The following BICD1 variants were observed in gnomAD, a reference collection of about 807,000 sequenced individuals.
The protein encoded by BICD1 is protein bicaudal D homolog 1.
A neutral mutation model predicts 92.5 loss-of-function variants in BICD1; 35 were observed. That is an observed-to-expected ratio of 0.38 (90% CI 0.29 to 0.50). The LOEUF (loss-of-function observed/expected upper bound fraction) is 0.50. Among genes scored for constraint, BICD1 ranks in the 20% least tolerant of loss-of-function variants. The pLI is 0.93. For synonymous variants in BICD1, 429 were observed against 465.1 expected (o/e 0.92, Z 1.00); for missense variants, 950 against 1,189.8 (o/e 0.80, Z 2.97).
intron 2 of BICD1, among the ~76,000 whole-genome samples, chr12:32,271,866 T>C (rs141379716): frequency 6.6e-6 from 1 of 152,306 alleles, no homozygotes; most frequent in Non-Finnish European, 1.5e-5. Context: ...TTTTACTTAC[T>C]GCCTGAAGCC....
chr12:32,162,075 A>G (rs959247981), intron 1 of BICD1, among the ~76,000 whole-genome samples: 1 of 152,200 alleles, frequency 6.6e-6, no homozygotes, highest in Non-Finnish European at 1.5e-5. Flanking sequence ...TAGCACCATC[A>G]CAGAGAAGGG....
chr12:32,294,645 A>AG (rs909672422), intron 3 of BICD1, among the ~76,000 whole-genome samples: 8 of 146,310 alleles, frequency 5.5e-5, no homozygotes, highest in African/African-American at 1.7e-4. Context: ...AAAAAAAAAA[A>AG]GCCTGGGTCT....
chr12:32,143,083 C>T lies in BICD1; in HGVS notation c.213+35539C>T, dbSNP rs140368680. Among the ~76,000 whole-genome samples, 942 of 152,280 alleles carry T rather than the reference C, an allele frequency of 6.2e-3. 17 individuals are homozygous for T. The highest frequency in any genetic ancestry group is 0.021 in the African/African-American group (880 of 41,556). On this transcript the variant is annotated intron_variant, in intron 1 of 9. Transcript: ENST00000652176. ...TTGTCTATCACCTGTCATTCTTTTA[C>T]CAGACCATCTAGTCTCATATGTCTA...
At chr12:32,259,015 T>G (rs1220330169) in intron 2 of BICD1, among the ~76,000 whole-genome samples, 4 of 152,294 alleles carry the variant, frequency 2.6e-5, no homozygotes, top group Non-Finnish European at 4.4e-5. Flanking sequence ...TTTCACAGTC[T>G]GCTAAGTAAC....
At chr12:32,163,757 GCCTTCCTGTTTTGTTGAGTT>G (rs1053606435) in intron 1 of BICD1, among the ~76,000 whole-genome samples, 2 of 151,984 alleles carry the variant, frequency 1.3e-5, no homozygotes, top group Non-Finnish European at 2.9e-5. Context: ...TCTATTTCCT[GCCTTCCTGTTTTGTTGAGTT>G]AGAATCATGA....
At chr12:32,218,315 T>C (rs912381593) in intron 2 of BICD1, among the ~76,000 whole-genome samples, 10 of 152,198 alleles carry the variant, frequency 6.6e-5, no homozygotes, top group African/African-American at 2.4e-4. Flanking sequence ...AGATCAGTTC[T>C]CAAACTTGAA....
intron 2 of BICD1, among the ~76,000 whole-genome samples, chr12:32,264,656 T>G (rs1257418277): frequency 6.6e-6 from 1 of 151,932 alleles, no homozygotes; most frequent in African/African-American, 2.4e-5. Context: ...CCCTCCTAAT[T>G]TTTGTATTTT....
At chr12:32,357,525 A>G (rs1939162966) in intron 8 of BICD1, among the ~76,000 whole-genome samples, 2 of 152,216 alleles carry the variant, frequency 1.3e-5, no homozygotes. Context: ...TGGAGCAAGT[A>G]TCAAAGGCTG....
At chr12:32,284,236 C>G (rs1230272839) in intron 2 of BICD1, among the ~76,000 whole-genome samples, 1 of 152,236 alleles carries the variant, frequency 6.6e-6, no homozygotes, top group East Asian at 1.9e-4. Context: ...TCCCACACCC[C>G]TCTCTCCAGC....
chr12:32,201,443 A>G (rs1486507423), intron 1 of BICD1, among the ~76,000 whole-genome samples: 1 of 152,212 alleles, frequency 6.6e-6, no homozygotes, highest in East Asian at 1.9e-4. Flanking sequence ...ACCTAAATGC[A>G]TAGGCACTCA....
chr12:32,325,864 C>T (rs969048597), intron 4 of BICD1, among the ~76,000 whole-genome samples: 4 of 151,612 alleles, frequency 2.6e-5, no homozygotes, highest in Admixed American at 6.6e-5. Context: ...GGGCGGATCA[C>T]GAGGTCAGGA....
chr12:32,253,200 A>G (rs928076186), intron 2 of BICD1, among the ~76,000 whole-genome samples: 1 of 152,128 alleles, frequency 6.6e-6, no homozygotes, highest in Non-Finnish European at 1.5e-5. Flanking sequence ...TACTATGTTT[A>G]TTAGCCATTT....
chr12:32,342,204 G>GTA (rs3075972), intron 8 of BICD1, among the ~76,000 whole-genome samples: 5,968 of 119,054 alleles, frequency 0.05, 192 homozygotes, highest in Admixed American at 0.14. Flanking sequence ...GTGTGTGTGT[G>GTA]TATATATATA....
intron 1 of BICD1, among the ~76,000 whole-genome samples, chr12:32,169,444 A>AT (rs995881566): frequency 2.7e-5 from 4 of 149,786 alleles, no homozygotes; most frequent in South Asian, 2.1e-4. Flanking sequence ...TTTTCCATTA[A>AT]TTTTTTTTTT....
intron 8 of BICD1, among the ~76,000 whole-genome samples, chr12:32,355,205 G>T (rs1939050695): frequency 6.6e-6 from 1 of 152,288 alleles, no homozygotes; most frequent in South Asian, 2.1e-4. Flanking sequence ...ATCTTTATCA[G>T]ATAATATTTA....
intron 4 of BICD1, 137 bp from the exon 5 acceptor site, chr12:32,327,324 C>T: frequency 9.2e-7 from 1 of 1,083,020 alleles, no homozygotes; most frequent in Non-Finnish European, 1.3e-6. Flanking sequence ...AAAAAACACT[C>T]CAATTTAATT....
At chr12:32,265,145 T>G (rs561893955) in intron 2 of BICD1, among the ~76,000 whole-genome samples, 19 of 151,876 alleles carry the variant, frequency 1.3e-4, no homozygotes, top group Admixed American at 5.3e-4. Flanking sequence ...ATACATTGCC[T>G]CCAAGCAGAA....
At position 32,328,141 on chromosome 12, in the gene BICD1, A is replaced by T. The variant is rs766436524; in HGVS notation, c.1686A>T (p.Arg562=). Residue 562 remains arginine (R), a synonymous_variant, in exon 5 of 10, where the codon CGA becomes CGT. Transcript: ENST00000652176. This position sits in a 1 kb window ranked among gnomAD's most constrained non-coding sequence, Gnocchi z 4.4. ...ATCCCAGAGGACTTTTGTCCCCACG[A>T]TTAGCCAGGCGGGGTGTGTCATCCC... ...PDDPRGLLSP[R]LARRGVSSPV... is the part of the protein sequence containing the mutation. 5 of 1,614,052 alleles carry T rather than the reference A, an allele frequency of 3.1e-6. No individual in the cohort carries two copies. The Admixed American group carries it at 5.0e-5, about 16-fold the overall frequency.
intron 1 of BICD1, among the ~76,000 whole-genome samples, chr12:32,160,499 C>CTT (rs879507611): frequency 6.9e-6 from 1 of 143,954 alleles, no homozygotes; most frequent in African/African-American, 2.5e-5. Context: ...AAGTGCCTCA[C>CTT]TTTTTTTTTT....
Sources: gnomAD v4.1 joint callset for allele counts (sites outside exome capture counted in the v4.1 genomes callset) on GRCh38, gnomAD v4.1.1 for gene constraint, Gnocchi (gnomAD v3.1) non-coding constraint, MANE v1.5 for transcripts, NCBI Gene and HGNC (gene_info 2026-07-23, HGNC 2026-07-21) for gene names.